Variants in CADM2 observed in about 807,000 individuals in gnomAD.
CADM2 encodes the protein immunoglobulin superfamily member 4D.
In CADM2, 12 loss-of-function variants were observed where a neutral mutation model predicts 49.8. The observed-to-expected ratio is 0.24, with a 90% confidence interval of 0.15 to 0.39. The LOEUF (loss-of-function observed/expected upper bound fraction) is 0.39. CADM2 is among the 10% of genes least tolerant of loss of function. CADM2 has a pLI of 1.00. For synonymous variants in CADM2, 214 were observed against 175.4 expected (o/e 1.22, Z -1.74); for missense variants, 378 against 492.3 (o/e 0.77, Z 2.20).
chr3:85,643,606 A>G (rs916051629), intron 1 of CADM2, among the ~76,000 whole-genome samples: 2 of 152,152 alleles, frequency 1.3e-5, no homozygotes, highest in East Asian at 1.9e-4. Context: ...CTTTAGATAA[A>G]GTAGAATCAA....
At chr3:85,991,340 T>C (rs768709760) in intron 8 of CADM2, among the ~76,000 whole-genome samples, 4 of 152,182 alleles carry the variant, frequency 2.6e-5, no homozygotes, top group Non-Finnish European at 4.4e-5. Flanking sequence ...TTATGTCAAC[T>C]TAATTCTCAG....
intron 1 of CADM2, among the ~76,000 whole-genome samples, chr3:85,054,331 G>C (rs1307581230): frequency 6.6e-6 from 1 of 151,778 alleles, no homozygotes; most frequent in African/African-American, 2.4e-5. Flanking sequence ...GGAGAAAATG[G>C]AAAGGAGGAA....
At chr3:85,125,848 A>C (rs929464370) in intron 1 of CADM2, among the ~76,000 whole-genome samples, 1 of 152,234 alleles carries the variant, frequency 6.6e-6, no homozygotes, top group Non-Finnish European at 1.5e-5. Flanking sequence ...CATTTGAATT[A>C]ATATTTTATA....
intron 1 of CADM2, among the ~76,000 whole-genome samples, chr3:85,088,019 TTG>T (rs2037449477): frequency 6.6e-6 from 1 of 152,192 alleles, no homozygotes; most frequent in African/African-American, 2.4e-5. Flanking sequence ...AAATATTTGT[TTG>T]TTCAAGGATG....
At chr3:85,320,983 A>G (rs2044583062) in intron 1 of CADM2, among the ~76,000 whole-genome samples, 1 of 149,378 alleles carries the variant, frequency 6.7e-6, no homozygotes, top group African/African-American at 2.4e-5. Context: ...TAATTTAGGA[A>G]TTTCCTGTAT....
intron 3 of CADM2, among the ~76,000 whole-genome samples, chr3:85,824,048 T>C (rs1374845648): frequency 6.6e-6 from 1 of 152,188 alleles, no homozygotes; most frequent in Admixed American, 6.6e-5. Context: ...AAGCTTTCTA[T>C]GCATTTCGCT....
intron 1 of CADM2, among the ~76,000 whole-genome samples, chr3:85,087,399 T>C (rs2107515023): frequency 6.6e-6 from 1 of 152,310 alleles, no homozygotes; most frequent in East Asian, 1.9e-4. Flanking sequence ...TGCTCATGTG[T>C]TGGCAAGCAA....
chr3:85,612,175 C>T (rs1001290333), intron 1 of CADM2, among the ~76,000 whole-genome samples: 6 of 151,734 alleles, frequency 4.0e-5, no homozygotes, highest in Admixed American at 2.6e-4. Flanking sequence ...AAAATTATTT[C>T]TTATCTTTTA....
chr3:85,126,158 T>C (rs1559676911), intron 1 of CADM2, among the ~76,000 whole-genome samples: 1 of 152,194 alleles, frequency 6.6e-6, no homozygotes, highest in Non-Finnish European at 1.5e-5. Flanking sequence ...TGAATACCTC[T>C]ACTTTTGATA....
At chr3:85,152,872 G>A (rs1236361997) in intron 1 of CADM2, among the ~76,000 whole-genome samples, 1 of 151,548 alleles carries the variant, frequency 6.6e-6, no homozygotes, top group Non-Finnish European at 1.5e-5. Context: ...GGCTGAGCAG[G>A]AGAATGGCGT....
At chr3:85,362,257 C>T (rs1423341141) in intron 1 of CADM2, among the ~76,000 whole-genome samples, 1 of 152,184 alleles carries the variant, frequency 6.6e-6, no homozygotes, top group African/African-American at 2.4e-5. Context: ...TGTCTCCAAA[C>T]AGTTCTACTT....
At chr3:85,027,218 G>A (rs111678231) in intron 1 of CADM2, among the ~76,000 whole-genome samples, 5 of 139,602 alleles carry the variant, frequency 3.6e-5, no homozygotes, top group Non-Finnish European at 6.1e-5. Flanking sequence ...GGGTTTAAGC[G>A]ATTCTCCTGC....
intron 1 of CADM2, among the ~76,000 whole-genome samples, chr3:85,718,266 T>C (rs2107758230): frequency 6.6e-6 from 1 of 152,340 alleles, no homozygotes; most frequent in East Asian, 1.9e-4. Flanking sequence ...AGATTTAGGG[T>C]ATTTCTAAAA....
intron 1 of CADM2, among the ~76,000 whole-genome samples, chr3:85,130,235 C>T (rs2039178911): frequency 6.6e-6 from 1 of 151,938 alleles, no homozygotes; most frequent in Non-Finnish European, 1.5e-5. Flanking sequence ...GAATAAAAAC[C>T]AAATTTTAAA....
intron 1 of CADM2, among the ~76,000 whole-genome samples, chr3:85,008,953 G>A (rs1279942134): frequency 1.3e-5 from 2 of 152,122 alleles, no homozygotes; most frequent in Non-Finnish European, 2.9e-5. Context: ...CAAAAGTGAG[G>A]ATCAGGGAAA....
chr3:85,752,321 C>G (rs1206441110), intron 2 of CADM2, among the ~76,000 whole-genome samples: 2 of 152,106 alleles, frequency 1.3e-5, no homozygotes, highest in Non-Finnish European at 2.9e-5. Flanking sequence ...TCAGAAGCCT[C>G]CCAGGGCAGA....
At chr3:86,048,921 A>G (rs1341086277) in intron 8 of CADM2, among the ~76,000 whole-genome samples, 2 of 152,200 alleles carry the variant, frequency 1.3e-5, no homozygotes, top group Non-Finnish European at 2.9e-5. Context: ...CTCTAACTAT[A>G]AAAGACAATT....
chr3:85,205,251 G>A (rs2041605047), intron 1 of CADM2, among the ~76,000 whole-genome samples: 1 of 152,030 alleles, frequency 6.6e-6, no homozygotes, highest in Admixed American at 6.6e-5. Flanking sequence ...TCAAACTCCT[G>A]AGCTCAAGCC....
chr3:85,295,700 A>G (rs1359518298), intron 1 of CADM2, among the ~76,000 whole-genome samples: 2 of 151,316 alleles, frequency 1.3e-5, no homozygotes, highest in African/African-American at 4.8e-5. Flanking sequence ...ACAAAAAACC[A>G]AACACTCACA....
Sources: gnomAD v4.1 joint callset for allele counts (sites outside exome capture counted in the v4.1 genomes callset) on GRCh38, gnomAD v4.1.1 for gene constraint, MANE v1.5 for transcripts, NCBI Gene and HGNC (gene_info 2026-07-23, HGNC 2026-07-21) for gene names.